The following CSMD1 variants were observed in gnomAD, a reference collection of about 807,000 sequenced individuals.
CSMD1 encodes CUB and sushi domain-containing protein 1.
In CSMD1, 213 loss-of-function variants were observed where a neutral mutation model predicts 417.5. The ratio of observed to expected loss-of-function variants is 0.51; its 90% CI spans 0.46 to 0.57. The LOEUF is 0.57. Among genes scored for constraint, CSMD1 ranks in the 20% least tolerant of loss-of-function variants. CSMD1 has a pLI of 0.00. For synonymous variants in CSMD1, 2,862 were observed against 1,736.8 expected, an observed-to-expected ratio of 1.65 and a Z score of -16.11; for missense variants, 6,923 against 4,529.7, an observed-to-expected ratio of 1.53 and a Z score of -15.17.
intron 2 of CSMD1, among the ~76,000 whole-genome samples, chr8:4,443,930 T>C (rs1355105692): frequency 6.6e-6 from 1 of 152,150 alleles, no homozygotes; most frequent in Non-Finnish European, 1.5e-5. Flanking sequence ...AATGCGTACA[T>C]ATACATGCAT....
chr8:3,495,135 G>A lies in CSMD1; in HGVS notation c.1345-1409C>T, dbSNP rs1256685259. The stretch of plus-strand genomic sequence containing the variant: ...AGCAATCTCATTTGAAATAGGTGTC[G>A]AGGTTGATAGCTGTTGCAAACCAGT... On this transcript the variant is annotated intron_variant, in intron 10 of 69. Transcript: ENST00000635120. 3.3e-5 allele frequency among the ~76,000 whole-genome samples: 5 copies of A among 152,170 alleles called. No homozygotes were observed. The East Asian group carries it at 5.8e-4, about 18-fold the overall frequency.
chr8:3,350,514 A>G (rs561562841), intron 21 of CSMD1, among the ~76,000 whole-genome samples: 7 of 152,286 alleles, frequency 4.6e-5, no homozygotes, highest in African/African-American at 1.7e-4. Flanking sequence ...AGCACTTTTA[A>G]AAAATATCCT....
chr8:4,079,648 T>A (rs1050435793), intron 3 of CSMD1, among the ~76,000 whole-genome samples: 2 of 152,240 alleles, frequency 1.3e-5, no homozygotes, highest in Non-Finnish European at 2.9e-5. Context: ...CACAGACACA[T>A]TGTTTCAGCG....
chr8:3,558,377 G>A (rs10107197), intron 10 of CSMD1, among the ~76,000 whole-genome samples: 41,198 of 87,874 alleles, frequency 0.47, 6,302 homozygotes, highest in African/African-American at 0.64. Flanking sequence ...TGGTGCCTCA[G>A]TAGTACCCCG....
At chr8:4,168,987 T>G (rs1405393419) in intron 3 of CSMD1, among the ~76,000 whole-genome samples, 1 of 152,142 alleles carries the variant, frequency 6.6e-6, no homozygotes, top group Non-Finnish European at 1.5e-5. Context: ...CTCCTCATTT[T>G]CCTACTATCT....
At chr8:3,050,016 T>C (rs557052450) in intron 50 of CSMD1, among the ~76,000 whole-genome samples, 1 of 151,984 alleles carries the variant, frequency 6.6e-6, no homozygotes, top group Non-Finnish European at 1.5e-5. Flanking sequence ...ATTTAGCAAG[T>C]CTTTCTCAGA....
rs370643507 is a variant in CSMD1 at position 3,018,732 on chromosome 8, CA to C, written c.7856-83del. On this transcript the variant is annotated intron_variant, in intron 51 of 69. Coordinates refer to ENST00000635120, the MANE Select transcript of CSMD1 (RefSeq NM_033225.6). ...CTCCAAACAAACAAACAAAAACAAA[CA>C]AAAAAAACCAAAAAACTATTTTTAG... 1.4e-4 allele frequency: 181 copies of C among 1,263,040 alleles called. 5 individuals carry two copies. In the South Asian group the frequency reaches 2.2e-3, roughly 15 times the overall value. The allele number at this position is 1,263,040 out of a possible 1,614,324, so 78.2% of individuals were successfully genotyped here.
chr8:4,390,059 G>C (rs928229337), intron 3 of CSMD1, among the ~76,000 whole-genome samples: 10 of 152,090 alleles, frequency 6.6e-5, no homozygotes, highest in African/African-American at 2.4e-4. Flanking sequence ...ATTTTCTAGA[G>C]CAATTTGAGA....
intron 3 of CSMD1, among the ~76,000 whole-genome samples, chr8:4,175,514 T>A (rs907817291): frequency 6.6e-6 from 1 of 151,500 alleles, no homozygotes; most frequent in Non-Finnish European, 1.5e-5. Flanking sequence ...CAAAGACAAC[T>A]GATAGAAGCC....
intron 4 of CSMD1, among the ~76,000 whole-genome samples, chr8:4,011,524 T>G (rs974295578): frequency 1.3e-5 from 2 of 152,134 alleles, no homozygotes; most frequent in African/African-American, 4.8e-5. Flanking sequence ...CCCTCCTGGG[T>G]TTCCTGCAGA....
intron 3 of CSMD1, among the ~76,000 whole-genome samples, chr8:4,392,097 G>T (rs1803887451): frequency 1.3e-5 from 2 of 152,188 alleles, no homozygotes; most frequent in Non-Finnish European, 2.9e-5. Flanking sequence ...AGTGTCCAAG[G>T]AAAGACCAGC....
chr8:3,918,148 G>T (rs2627391), intron 5 of CSMD1, among the ~76,000 whole-genome samples: 2 of 151,968 alleles, frequency 1.3e-5, no homozygotes, highest in Non-Finnish European at 2.9e-5. Flanking sequence ...TACTGCTCCA[G>T]TAAACATGGG....
chr8:3,577,356 G>A (rs1008194352), intron 9 of CSMD1, among the ~76,000 whole-genome samples: 1 of 152,188 alleles, frequency 6.6e-6, no homozygotes, highest in Non-Finnish European at 1.5e-5. Flanking sequence ...CATGGACCCA[G>A]TTCCTTCAGA....
intron 5 of CSMD1, among the ~76,000 whole-genome samples, chr8:3,819,807 A>C (rs934809228): frequency 6.6e-6 from 1 of 152,136 alleles, no homozygotes; most frequent in African/African-American, 2.4e-5. Flanking sequence ...GGCCTCCCAA[A>C]GTACTGAGAT....
intron 5 of CSMD1, among the ~76,000 whole-genome samples, chr8:3,996,820 G>C (rs1274846049): frequency 6.6e-6 from 1 of 152,152 alleles, no homozygotes; most frequent in Non-Finnish European, 1.5e-5. Flanking sequence ...CCATGAATAG[G>C]AATCATCAGC....
intron 57 of CSMD1, among the ~76,000 whole-genome samples, chr8:2,969,285 G>A (rs968568719): frequency 2.0e-5 from 3 of 152,080 alleles, no homozygotes; most frequent in East Asian, 3.9e-4. Flanking sequence ...TGAGTAAAGT[G>A]TAGCTTTATC....
rs149626742 is a variant in CSMD1 at position 4,135,551 on chromosome 8, C to G, written c.416-103452G>C. Among the ~76,000 whole-genome samples the G allele has an allele frequency of 4.5e-3, 685 of 152,112 alleles. 4 individuals carry two copies. The highest frequency in any genetic ancestry group is 0.016 in the African/African-American group (656 of 41,490). ...AAACAGTTATGTTTCAGATTGGAAA[C>G]AAATATTAAATAAGAAGAAATGAGT... On this transcript the variant is annotated intron_variant, in intron 3 of 69. Transcript: ENST00000635120.
chr8:3,569,247 G>A (rs925845678), intron 10 of CSMD1, among the ~76,000 whole-genome samples: 7 of 152,004 alleles, frequency 4.6e-5, no homozygotes, highest in South Asian at 2.1e-4. Flanking sequence ...TAGATATTTC[G>A]TGTTCCTTTT....
chr8:4,464,593 C>G (rs566267044), intron 2 of CSMD1, among the ~76,000 whole-genome samples: 6 of 152,038 alleles, frequency 3.9e-5, no homozygotes, highest in African/African-American at 1.4e-4. Flanking sequence ...TTCTACTGAA[C>G]GTGTTATTAC....
Sources: allele counts gnomAD v4.1 joint callset (sites outside exome capture counted in the v4.1 genomes callset), GRCh38; gene constraint gnomAD v4.1.1; transcripts MANE v1.5; gene names NCBI Gene and HGNC (gene_info 2026-07-23, HGNC 2026-07-21).